GNA15: variants seen among roughly 807,000 people sequenced by gnomAD.
GNA15 encodes the protein guanine nucleotide-binding protein subunit alpha-15.
GNA15 carries 23 observed loss-of-function variants against 40.1 expected under a neutral mutation model. The observed-to-expected ratio is 0.57, with a 90% CI of 0.41 to 0.81. The LOEUF is 0.81. GNA15 is among the 40% of genes least tolerant of loss of function. The pLI is 0.00. For missense variants in GNA15, 522 were observed against 515.8 expected (o/e 1.01, Z -0.12); for synonymous variants, 226 against 210.4 (o/e 1.07, Z -0.64).
intron 6 of GNA15, among the ~76,000 whole-genome samples, chr19:3,158,582 G>C (rs1915079540): frequency 6.6e-6 from 1 of 151,980 alleles, no homozygotes; most frequent in Non-Finnish European, 1.5e-5. Flanking sequence ...TCCAGAATCT[G>C]CCTAGGTTTT....
At chr19:3,152,442 A>G (rs778671965) in intron 4 of GNA15, among the ~76,000 whole-genome samples, 1 of 152,020 alleles carries the variant, frequency 6.6e-6, no homozygotes. Flanking sequence ...TAGACAGTGG[A>G]GCCGGTGGGC....
chr19:3,152,868 G>A (rs1451444157), intron 4 of GNA15, among the ~76,000 whole-genome samples: 1 of 152,096 alleles, frequency 6.6e-6, no homozygotes, highest in Non-Finnish European at 1.5e-5. Flanking sequence ...TCTGTTTTCT[G>A]TGGGTCTCCT....
chr19:3,148,473 C>T lies in GNA15; in HGVS notation c.146-118C>T, dbSNP rs895013360. 65 of 955,084 alleles carry T rather than the reference C, an allele frequency of 6.8e-5. No individual in the cohort carries two copies. In the Middle Eastern group the frequency reaches 2.7e-3, roughly 40 times the overall value. 59.2% of individuals were successfully genotyped at this position (955,084 alleles called of 1,614,324 possible). ...GGGTCACTGAGTGAGGTCCCGGCTG[C>T]ACCGGGGTTTGAACCCAGGAGGCCT... On this transcript the variant is annotated intron_variant, in intron 1 of 6. Transcript: ENST00000262958.
intron 6 of GNA15, among the ~76,000 whole-genome samples, chr19:3,159,508 G>T (rs957822350): frequency 7.3e-5 from 11 of 151,724 alleles, no homozygotes; most frequent in Non-Finnish European, 1.5e-4. Context: ...CACCACCCCG[G>T]CTAATTTTGT....
Position 3,136,403 on chromosome 19 carries a change from A to C in GNA15, c.-48A>C. 6.5e-7 allele frequency: 1 copy of C among 1,533,722 alleles called. No homozygotes were observed. ...TGGGCTGGGGGTTGCCCTGGCCAGC[A>C]GGGGCCCGGGGGCGATGCCACCCGG... On this transcript the variant is annotated 5_prime_UTR_variant, in exon 1 of 7. Transcript: ENST00000262958. The surrounding 1 kb of genome is among the most constrained non-coding windows in gnomAD (Gnocchi z 4.9).
chr19:3,148,823 G>A (rs1340417773), intron 2 of GNA15, 48 bp downstream of exon 2: 1 of 1,509,716 alleles, frequency 6.6e-7, no homozygotes, highest in Non-Finnish European at 8.9e-7. Context: ...GGGGCCCAGG[G>A]CAGGGTTCCC....
At chr19:3,156,942 C>T (rs1432042037) in intron 5 of GNA15, among the ~76,000 whole-genome samples, 2 of 152,012 alleles carry the variant, frequency 1.3e-5, no homozygotes, top group East Asian at 1.9e-4. Flanking sequence ...AGGTCTTGAA[C>T]GTATGAATTT....
At position 3,136,331 on chromosome 19, in the gene GNA15, C is replaced by A; in HGVS notation, c.-120C>A. Reference sequence around the variant, plus strand: ...TGGGGGGTGACCCCCAAGGAAAAGGCAGCCTCCCTGCGCACCCGGTTGCCC... The same window carrying A: ...TGGGGGGTGACCCCCAAGGAAAAGGAAGCCTCCCTGCGCACCCGGTTGCCC... On this transcript the variant is annotated 5_prime_UTR_variant, in exon 1 of 7. Transcript: ENST00000262958. This position sits in a 1 kb window ranked among gnomAD's most constrained non-coding sequence, Gnocchi z 4.9. 2 of 1,004,756 alleles carry A rather than the reference C, an allele frequency of 2.0e-6. No individual in the cohort carries two copies. Among genetic ancestry groups the A allele is most frequent in the Non-Finnish European group, 1.4e-6 (1 of 705,170 alleles). The allele number at this position is 1,004,756 out of a possible 1,614,324, so 62.2% of individuals were successfully genotyped here. A position where few individuals can be genotyped will look rare whatever the true frequency, so the allele number is the denominator to read the frequency against.
chr19:3,156,501 C>A (rs903003176), intron 5 of GNA15, among the ~76,000 whole-genome samples: 12 of 151,994 alleles, frequency 7.9e-5, no homozygotes, highest in Non-Finnish European at 1.5e-5. Context: ...CACAGGCACA[C>A]ACATGCGTGC....
chr19:3,149,599 C>CA (rs1914829358), intron 2 of GNA15: 7 of 157,000 alleles, frequency 4.5e-5, no homozygotes, highest in Admixed American at 3.7e-4. Context: ...TGAACAAACA[C>CA]AGAGAAATGC....
Position 3,143,794 on chromosome 19 carries a change from T to G in GNA15, c.146-4797T>G, listed in dbSNP as rs1914631801. On this transcript the variant is annotated intron_variant, in intron 1 of 6. Coordinates refer to ENST00000262958, the MANE Select transcript of GNA15 (RefSeq NM_002068.4). ...GCAATTCCCTCAACGGCCCCGAGAC[T>G]GAGTTTCCCCACATGGAAACAGGGC... Among the ~76,000 whole-genome samples the G allele has an allele frequency of 2.0e-5, 3 of 152,050 alleles. No homozygotes were observed. The South Asian group carries it at 6.3e-4, about 32-fold the overall frequency.
At chr19:3,158,030 C>A in intron 6 of GNA15, 149 bp downstream of exon 6, 1 of 648,054 alleles carries the variant, frequency 1.5e-6, no homozygotes, top group South Asian at 1.9e-5. Flanking sequence ...ATCCACTGCC[C>A]GACCTCATTG....
intron 2 of GNA15, chr19:3,149,038 C>CACAT (rs35799203): frequency 0.73 from 341,698 of 465,022 alleles, 126,968 homozygotes; most frequent in African/African-American, 0.78. Flanking sequence ...CAAGGACACA[C>CACAT]ACGTACATGC....
chr19:3,145,350 TATA>T (rs1204317514), intron 1 of GNA15, among the ~76,000 whole-genome samples: 3 of 34,262 alleles, frequency 8.8e-5, no homozygotes, highest in Admixed American at 2.6e-4. Flanking sequence ...TATATATATA[TATA>T]TATATATTTT....
intron 2 of GNA15, chr19:3,149,101 A>C (rs1019493890): frequency 3.2e-6 from 1 of 311,280 alleles, no homozygotes. Context: ...ACATACACAA[A>C]TGAATGCACA....
At chr19:3,145,918 G>A (rs1005746030) in intron 1 of GNA15, among the ~76,000 whole-genome samples, 8 of 151,896 alleles carry the variant, frequency 5.3e-5, no homozygotes, top group African/African-American at 1.5e-4. Flanking sequence ...CTGGAGAGTC[G>A]AGGCGGCCAC....
rs752976720 is a variant in GNA15, at chr19:3,136,617, G to A, written c.145+22G>A. On this transcript the variant is annotated intron_variant, in intron 1 of 6. Transcript: ENST00000262958. This position sits in a 1 kb window ranked among gnomAD's most constrained non-coding sequence, Gnocchi z 4.9. ...TTGGGTGAGTCCAGGGTCGGTGGGC[G>A]GTGGGTGGTGGGCAGTGGGCGGTGG... 1.9e-5 allele frequency: 30 copies of A among 1,544,272 alleles called. No individual in the cohort carries two copies. Among genetic ancestry groups the A allele is most frequent in the South Asian group, 3.6e-5 (3 of 83,738 alleles).
At chr19:3,159,889 A>G (rs1242381336) in intron 6 of GNA15, among the ~76,000 whole-genome samples, 3 of 152,200 alleles carry the variant, frequency 2.0e-5, no homozygotes, top group African/African-American at 7.2e-5. Context: ...AGTGTTGGGC[A>G]CCACTTAGTA....
intron 6 of GNA15, 88 bp downstream of exon 6, chr19:3,157,969 A>G (rs979713069): frequency 9.3e-7 from 1 of 1,078,586 alleles, no homozygotes; most frequent in African/African-American, 1.6e-5. Flanking sequence ...TTCAGCCTGG[A>G]GTCACCGGAA....
Sources: gnomAD v4.1 joint callset for allele counts (sites outside exome capture counted in the v4.1 genomes callset) on GRCh38, gnomAD v4.1.1 for gene constraint, Gnocchi (gnomAD v3.1) non-coding constraint, MANE v1.5 for transcripts, NCBI Gene and HGNC (gene_info 2026-07-23, HGNC 2026-07-21) for gene names.